LRBA: variants seen among roughly 807,000 people sequenced by gnomAD.
LRBA encodes the protein LPS responsive beige-like anchor protein, also known as lipopolysaccharide-responsive and beige-like anchor protein.
LRBA carries 176 observed loss-of-function variants against 330.0 expected under a neutral mutation model. The observed-to-expected ratio is 0.53, with a 90% CI of 0.47 to 0.60. The LOEUF is 0.60. Ranked by LOEUF, LRBA falls within the 20% of genes least tolerant of loss-of-function variation. LRBA has a pLI of 0.00. For synonymous variants in LRBA, 1,230 were observed against 1,193.0 expected (o/e 1.03, Z -0.64); for missense variants, 3,259 against 3,444.8 (o/e 0.95, Z 1.35).
chr4:150,436,699 G>A (rs780274217), intron 45 of LRBA, 25 bp downstream of exon 45: 1 of 1,592,056 alleles, frequency 6.3e-7, no homozygotes, highest in Non-Finnish European at 8.6e-7. Context: ...ATTTAGCCAT[G>A]GTGTATTATT....
At chr4:150,808,558 T>C (rs1456999259) in intron 31 of LRBA, among the ~76,000 whole-genome samples, 160 bp from the exon 32 acceptor site, 2 of 152,200 alleles carry the variant, frequency 1.3e-5, no homozygotes, top group Admixed American at 6.5e-5. Context: ...AACAACTAAA[T>C]GCTTTCATAT....
chr4:150,579,427 G>A (rs1770953633), intron 40 of LRBA: 1 of 431,666 alleles, frequency 2.3e-6, no homozygotes, highest in Admixed American at 2.7e-5. Flanking sequence ...AAGTGTTTAA[G>A]TTTATTGCTC....
At chr4:150,805,534 G>GGA (rs1742596857) in intron 33 of LRBA, among the ~76,000 whole-genome samples, 2 of 116,696 alleles carry the variant, frequency 1.7e-5, no homozygotes, top group African/African-American at 6.9e-5. Context: ...GGAAAGGAAA[G>GGA]GAAGGGAGAA....
intron 56 of LRBA, among the ~76,000 whole-genome samples, chr4:150,266,428 A>G (rs1240592820): frequency 2.0e-5 from 3 of 152,262 alleles, no homozygotes; most frequent in African/African-American, 7.2e-5. Flanking sequence ...AACTTCTGCA[A>G]GCTTCTTGGT....
chr4:150,345,622 G>A (rs566232636), intron 48 of LRBA, among the ~76,000 whole-genome samples: 5 of 152,204 alleles, frequency 3.3e-5, no homozygotes, highest in East Asian at 1.9e-4. Flanking sequence ...GGGCATTATC[G>A]TATGACTTCT....
chr4:150,669,841 T>A (rs746741594), intron 37 of LRBA, among the ~76,000 whole-genome samples: 1 of 152,098 alleles, frequency 6.6e-6, no homozygotes, highest in Non-Finnish European at 1.5e-5. Context: ...GCTAGGATTA[T>A]AAGCATAAGC....
chr4:150,885,450 A>T (rs1189682833), intron 17 of LRBA, among the ~76,000 whole-genome samples: 1 of 151,964 alleles, frequency 6.6e-6, no homozygotes, highest in African/African-American at 2.4e-5. Context: ...GTGAAACCCC[A>T]TCTCTACTAA....
At chr4:150,432,261 C>T (rs984353681) in intron 46 of LRBA, among the ~76,000 whole-genome samples, 2 of 151,960 alleles carry the variant, frequency 1.3e-5, no homozygotes, top group Non-Finnish European at 2.9e-5. Context: ...AAAATGATTC[C>T]TACCACCCCA....
At chr4:150,569,760 C>T (rs1769611889) in intron 40 of LRBA, among the ~76,000 whole-genome samples, 1 of 152,018 alleles carries the variant, frequency 6.6e-6, no homozygotes, top group Non-Finnish European at 1.5e-5. Context: ...GATCTGACCA[C>T]CATTTGACCT....
chr4:150,803,089 C>CACACAT (rs1741961739), intron 33 of LRBA, among the ~76,000 whole-genome samples: 1 of 140,702 alleles, frequency 7.1e-6, no homozygotes, highest in South Asian at 2.2e-4. Flanking sequence ...TATATACACA[C>CACACAT]ACACACACAC....
chr4:150,822,130 T>A (rs1222549178), intron 30 of LRBA, among the ~76,000 whole-genome samples: 2 of 152,214 alleles, frequency 1.3e-5, no homozygotes, highest in East Asian at 3.9e-4. Context: ...TTCCTTGCCA[T>A]CAGAGACTGT....
At chr4:150,490,383 T>C (rs1758763935) in intron 41 of LRBA, among the ~76,000 whole-genome samples, 1 of 151,860 alleles carries the variant, frequency 6.6e-6, no homozygotes, top group Admixed American at 6.6e-5. Context: ...CCTTCTTTTC[T>C]TAATGGATTT....
At chr4:150,924,178 G>C (rs1052508047) in intron 4 of LRBA, among the ~76,000 whole-genome samples, 2 of 152,140 alleles carry the variant, frequency 1.3e-5, no homozygotes, top group South Asian at 2.1e-4. Context: ...GACAGACATT[G>C]CTGGGGGAGT....
chr4:150,265,984 C>CA (rs1378252333), intron 56 of LRBA, among the ~76,000 whole-genome samples, 172 bp from the exon 57 acceptor site: 1 of 152,180 alleles, frequency 6.6e-6, no homozygotes, highest in African/African-American at 2.4e-5. Context: ...TGAGTAAGCT[C>CA]AGAGTACTGC....
intron 46 of LRBA, among the ~76,000 whole-genome samples, chr4:150,425,692 C>T (rs552732094): frequency 3.9e-5 from 6 of 152,146 alleles, no homozygotes; most frequent in Non-Finnish European, 8.8e-5. Context: ...CTAAACCCAC[C>T]ACTTCAATAT....
intron 28 of LRBA, among the ~76,000 whole-genome samples, chr4:150,836,563 A>G (rs1337421794): frequency 6.6e-6 from 1 of 151,970 alleles, no homozygotes; most frequent in Non-Finnish European, 1.5e-5. Flanking sequence ...TTTCTTCTAG[A>G]TTTTCTAATT....
In LRBA at chr4:150,761,660, A is replaced by T. The variant is rs1735106128; in HGVS notation, c.5645+123T>A. 3 of 562,676 alleles carry T rather than the reference A, an allele frequency of 5.3e-6. No homozygotes were observed. In the South Asian group the frequency reaches 7.8e-5, roughly 15 times the overall value. 34.9% of individuals were successfully genotyped at this position (562,676 alleles called of 1,614,324 possible). On this transcript the variant is annotated intron_variant, in intron 35 of 56. Coordinates refer to ENST00000651943, the MANE Select transcript of LRBA (RefSeq NM_001364905.1). ...ACATATACATAATAATTGATATATCAGAGCTCCATTACATTACTGACTGAA... is the reference window on the plus strand; with the variant it reads ...ACATATACATAATAATTGATATATCTGAGCTCCATTACATTACTGACTGAA...
chr4:150,333,139 G>C (rs576241366), intron 48 of LRBA, among the ~76,000 whole-genome samples: 111 of 152,192 alleles, frequency 7.3e-4, no homozygotes, highest in African/African-American at 2.6e-3. Context: ...ACTTAACAAA[G>C]ACTATTTTAG....
At chr4:150,585,922 C>A (rs1308539692) in intron 40 of LRBA, among the ~76,000 whole-genome samples, 1 of 152,112 alleles carries the variant, frequency 6.6e-6, no homozygotes, top group Admixed American at 6.5e-5. Context: ...GACAAACAGG[C>A]TTAAGTTGTG....
Sources: allele counts gnomAD v4.1 joint callset (sites outside exome capture counted in the v4.1 genomes callset), GRCh38; gene constraint gnomAD v4.1.1; transcripts MANE v1.5; gene names NCBI Gene and HGNC (gene_info 2026-07-23, HGNC 2026-07-21).